Variants in SPART observed in about 807,000 individuals in gnomAD.
SPART encodes the protein spartin, also known as spastic paraplegia 20 (Troyer syndrome).
SPART carries 35 observed loss-of-function variants against 58.7 expected under a neutral mutation model. That is an observed-to-expected ratio of 0.60 (90% confidence interval 0.46 to 0.79). The LOEUF is 0.79. Among genes scored for constraint, SPART ranks in the 30% least tolerant of loss-of-function variants. The pLI is 0.00. For synonymous variants in SPART, 284 were observed against 280.7 expected, an observed-to-expected ratio of 1.01 and a Z score of -0.12; for missense variants, 730 against 786.1, an observed-to-expected ratio of 0.93 and a Z score of 0.85.
At position 36,314,324 on chromosome 13, in the gene SPART, T is replaced by C. The variant is rs766429757; in HGVS notation, c.1386A>G (p.Pro462=). 4.3e-6 allele frequency: 7 copies of C among 1,614,198 alleles called. No homozygotes were observed. The highest frequency in any genetic ancestry group is 5.9e-6 in the Non-Finnish European group (7 of 1,180,030). The change falls in exon 6 of 9, where the codon CCA becomes CCG. Residue 462 remains proline (P), a synonymous_variant. Coordinates refer to ENST00000438666, the MANE Select transcript of SPART (RefSeq NM_015087.5). ...GASKLRERIQ[P]EEKPVEVSPA... ...GACTAACTTCCACGGGTTTTTCTTCTGGTTGAATCCGCTCTCGGAGTTTAG... is the reference window on the plus strand; with the variant it reads ...GACTAACTTCCACGGGTTTTTCTTCCGGTTGAATCCGCTCTCGGAGTTTAG...
intron 5 of SPART, among the ~76,000 whole-genome samples, chr13:36,324,377 A>G (rs1468196834): frequency 6.6e-6 from 1 of 152,186 alleles, no homozygotes; most frequent in Non-Finnish European, 1.5e-5. Flanking sequence ...TCCAGCCACA[A>G]GAGGCCATGT....
chr13:36,331,867 T>C (rs1883496568), intron 2 of SPART, among the ~76,000 whole-genome samples: 1 of 152,214 alleles, frequency 6.6e-6, no homozygotes, highest in African/African-American at 2.4e-5. Flanking sequence ...ACTAGCCTAG[T>C]GTTAACCAAT....
rs1883864673 is a variant in SPART at position 36,335,246 on chromosome 13, T to C, written c.585A>G (p.Ser195=). 1.2e-6 allele frequency: 2 copies of C among 1,614,128 alleles called. No individual in the cohort carries two copies. Among genetic ancestry groups the C allele is most frequent in the Non-Finnish European group, 8.5e-7 (1 of 1,180,020 alleles). ...VSYGTDSGEF[S]SVGEEFYRNH... is the part of the protein sequence containing the mutation. ...TCCTATAAAACTCCTCTCCAACTGA[T>C]GAAAACTCCCCAGAATCTGTTCCAT... Residue 195 remains serine (S), a synonymous_variant, in exon 2 of 9, where the codon TCA becomes TCG. Transcript: ENST00000438666.
chr13:36,336,155 T>C (rs1479319575), intron 1 of SPART: 1 of 215,208 alleles, frequency 4.6e-6, no homozygotes, highest in East Asian at 1.1e-4. Context: ...ATCCTTATGG[T>C]TGAAACAAGA....
chr13:36,318,115 C>T (rs983913847), intron 5 of SPART, among the ~76,000 whole-genome samples: 1 of 152,096 alleles, frequency 6.6e-6, no homozygotes, highest in African/African-American at 2.4e-5. Flanking sequence ...CCCTTCCTCC[C>T]CAGGCTACTC....
At chr13:36,367,840 A>C (rs1328703519) in intron 1 of SPART, among the ~76,000 whole-genome samples, 6 of 152,266 alleles carry the variant, frequency 3.9e-5, no homozygotes, top group African/African-American at 1.2e-4. Context: ...AATATGTCTG[A>C]GTTTTTGGCC....
At chr13:36,304,657 T>C (rs1880324955) in intron 8 of SPART, 25 bp from the exon 9 acceptor site, 1 of 1,609,504 alleles carries the variant, frequency 6.2e-7, no homozygotes, top group African/African-American at 1.3e-5. Flanking sequence ...TTAGAGGACA[T>C]ACAATGAAAC....
chr13:36,324,906 C>G (rs1425329605), intron 5 of SPART, among the ~76,000 whole-genome samples: 2 of 151,968 alleles, frequency 1.3e-5, no homozygotes, highest in South Asian at 2.1e-4. Context: ...AGTGGGGGAG[C>G]TTTTTGAGCC....
intron 6 of SPART, among the ~76,000 whole-genome samples, chr13:36,312,793 CT>C (rs1056917526): frequency 6.6e-6 from 1 of 152,016 alleles, no homozygotes; most frequent in African/African-American, 2.4e-5. Flanking sequence ...GCAGAGCCTA[CT>C]GATGTTTATA....
chr13:36,353,201 T>C (rs1389916618), intron 1 of SPART, among the ~76,000 whole-genome samples: 2 of 152,304 alleles, frequency 1.3e-5, no homozygotes. Flanking sequence ...ATTCATCTTG[T>C]TTACATGGTA....
In SPART at chr13:36,312,415, G is replaced by A; in HGVS notation, c.1546C>T (p.His516Tyr). The A allele has an allele frequency of 6.2e-7, 1 of 1,614,022 alleles. No individual in the cohort carries two copies. The highest frequency in any genetic ancestry group is 8.5e-7 in the Non-Finnish European group (1 of 1,179,990). Residue 516 changes from histidine to tyrosine, a missense_variant, in exon 7 of 9, where the codon CAT (histidine) becomes TAT (tyrosine). By Grantham distance (83) the His-to-Tyr change is moderately conservative. Coordinates refer to ENST00000438666, the MANE Select transcript of SPART (RefSeq NM_015087.5). ...GATTCTGGAACAAGTTTGCTTCCAT[G>A]CTTCTTGACATGTGGAGCTAGTTCT... ...GKELAPHVKK[H>Y]GSKLVPESLK...
At chr13:36,333,972 T>G (rs1377655445) in intron 2 of SPART, among the ~76,000 whole-genome samples, 1 of 152,158 alleles carries the variant, frequency 6.6e-6, no homozygotes, top group Non-Finnish European at 1.5e-5. Context: ...CGAATTGTCT[T>G]TAAACAACTT....
At chr13:36,365,354 C>T in intron 1 of SPART, 2 of 234,660 alleles carry the variant, frequency 8.5e-6, no homozygotes, top group South Asian at 1.2e-4. Context: ...TTCATTTTTC[C>T]TACTCTGTGT....
At chr13:36,355,848 A>C (rs549687072) in intron 1 of SPART, among the ~76,000 whole-genome samples, 29 of 151,962 alleles carry the variant, frequency 1.9e-4, no homozygotes, top group African/African-American at 6.0e-4. Flanking sequence ...GGCAAAAAAA[A>C]CCCCACAATT....
At chr13:36,351,701 A>T (rs1885417241) in intron 1 of SPART, among the ~76,000 whole-genome samples, 1 of 152,224 alleles carries the variant, frequency 6.6e-6, no homozygotes, top group African/African-American at 2.4e-5. Context: ...CTGGGTGATT[A>T]TGCTAAAGAC....
Position 36,326,713 on chromosome 13 carries a change from T to C in SPART, c.1165-15A>G, listed in dbSNP as rs1882973074. 1 of 1,611,868 alleles carries C rather than the reference T, an allele frequency of 6.2e-7. No individual in the cohort carries two copies. Among genetic ancestry groups the C allele is most frequent in the South Asian group, 1.1e-5 (1 of 90,982 alleles). On this transcript the variant is annotated splice_polypyrimidine_tract_variant and intron_variant, in intron 4 of 8. Coordinates refer to ENST00000438666, the MANE Select transcript of SPART (RefSeq NM_015087.5). Reference sequence around the variant, plus strand: ...GTATCTTTAGCCTAAACAGTAAAAATGTTTCAAAATGTGAAGAGTTAGTAC... The same window carrying C: ...GTATCTTTAGCCTAAACAGTAAAAACGTTTCAAAATGTGAAGAGTTAGTAC...
intron 5 of SPART, among the ~76,000 whole-genome samples, chr13:36,325,461 C>G (rs1882837829): frequency 1.3e-5 from 2 of 152,104 alleles, no homozygotes; most frequent in Non-Finnish European, 2.9e-5. Flanking sequence ...AAGATTTCCT[C>G]TGCTTTAGAC....
Position 36,303,386 on chromosome 13 carries a change from A to G in SPART, c.*979T>C, listed in dbSNP as rs1880176970. On this transcript the variant is annotated 3_prime_UTR_variant, in exon 9 of 9. Coordinates refer to ENST00000438666, the MANE Select transcript of SPART (RefSeq NM_015087.5). ...GCCTTCTGCCAAAGTGGAAACCATA[A>G]TGCCTATCCACCATGGATTACGTCT... 6.6e-6 allele frequency: 1 copy of G among 152,152 alleles called. No homozygotes were observed. The highest frequency in any genetic ancestry group is 1.5e-5 in the Non-Finnish European group (1 of 68,008). The allele number at this position is 152,152 out of a possible 1,614,324, so 9.4% of individuals were successfully genotyped here.
chr13:36,362,271 A>AC (rs2137723049), intron 1 of SPART, among the ~76,000 whole-genome samples: 1 of 142,438 alleles, frequency 7.0e-6, no homozygotes, highest in South Asian at 2.3e-4. Flanking sequence ...GAATCACTTG[A>AC]CCCCCAGGAG....
Sources: gnomAD v4.1 joint callset for allele counts (sites outside exome capture counted in the v4.1 genomes callset) on GRCh38, gnomAD v4.1.1 for gene constraint, MANE v1.5 for transcripts, NCBI Gene and HGNC (gene_info 2026-07-23, HGNC 2026-07-21) for gene names.